The following PAPSS2 variants were observed in gnomAD, a reference collection of about 807,000 sequenced individuals.
PAPSS2 encodes the protein bifunctional 3'-phosphoadenosine 5'-phosphosulfate synthase 2.
Under a neutral mutation model 66.5 loss-of-function variants are expected in PAPSS2, and 61 were observed. The observed-to-expected ratio is 0.92, with a 90% CI of 0.75 to 1.14. PAPSS2 has a LOEUF of 1.14. Ranked by LOEUF, PAPSS2 falls within the 50% of genes most tolerant of loss-of-function variation. The pLI, the probability that PAPSS2 is intolerant of heterozygous loss-of-function variation, is 0.00. For missense variants in PAPSS2, 708 were observed against 789.6 expected (o/e 0.90, Z 1.24); for synonymous variants, 289 against 287.5 (o/e 1.01, Z -0.05).
intron 1 of PAPSS2, among the ~76,000 whole-genome samples, chr10:87,671,552 A>T (rs576311837): frequency 5.3e-5 from 8 of 152,280 alleles, no homozygotes; most frequent in Non-Finnish European, 8.8e-5. Context: ...AGTGACTTAC[A>T]CATAACTCTA....
At chr10:87,708,437 A>G (rs1323672263) in intron 1 of PAPSS2, among the ~76,000 whole-genome samples, 1 of 152,170 alleles carries the variant, frequency 6.6e-6, no homozygotes, top group Admixed American at 6.6e-5. Context: ...AGCAACGGGG[A>G]TATTACTGAC....
At chr10:87,686,875 G>A (rs946860881) in intron 1 of PAPSS2, among the ~76,000 whole-genome samples, 5 of 152,124 alleles carry the variant, frequency 3.3e-5, no homozygotes, top group African/African-American at 1.2e-4. Flanking sequence ...GATTCCCATG[G>A]CCTAGGCATG....
intron 10 of PAPSS2, among the ~76,000 whole-genome samples, chr10:87,742,508 A>G (rs1016993229): frequency 6.6e-6 from 1 of 152,098 alleles, no homozygotes; most frequent in Non-Finnish European, 1.5e-5. Flanking sequence ...GCTTTTCTGT[A>G]TTTCTCAAGT....
intron 9 of PAPSS2, among the ~76,000 whole-genome samples, chr10:87,732,131 CA>C (rs1329618014): frequency 6.6e-6 from 1 of 152,198 alleles, no homozygotes; most frequent in Non-Finnish European, 1.5e-5. Flanking sequence ...TAGCAACCAT[CA>C]CCCTGATTTG....
At chr10:87,697,844 G>A (rs1436730434) in intron 1 of PAPSS2, among the ~76,000 whole-genome samples, 1 of 152,114 alleles carries the variant, frequency 6.6e-6, no homozygotes, top group East Asian at 1.9e-4. Flanking sequence ...ACAGACCTCT[G>A]GATTGACATC....
At chr10:87,671,186 T>C (rs1047017210) in intron 1 of PAPSS2, among the ~76,000 whole-genome samples, 2 of 152,192 alleles carry the variant, frequency 1.3e-5, no homozygotes, top group Non-Finnish European at 2.9e-5. Flanking sequence ...CTTTTTTTTT[T>C]CTTCAGTTAA....
At chr10:87,663,174 C>CGTGGCAT (rs1240197394) in intron 1 of PAPSS2, among the ~76,000 whole-genome samples, 2 of 127,092 alleles carry the variant, frequency 1.6e-5, no homozygotes, top group Non-Finnish European at 1.6e-5. Context: ...TGCAGAGAAG[C>CGTGGCAT]GATCTCGTCT....
intron 1 of PAPSS2, among the ~76,000 whole-genome samples, chr10:87,703,370 C>T (rs1172830112): frequency 2.0e-5 from 3 of 151,676 alleles, no homozygotes; most frequent in Admixed American, 6.6e-5. Context: ...GCCACATCCT[C>T]CCCAGACTTG....
intron 1 of PAPSS2, among the ~76,000 whole-genome samples, chr10:87,667,734 T>C (rs1314483676): frequency 6.6e-6 from 1 of 152,204 alleles, no homozygotes; most frequent in Non-Finnish European, 1.5e-5. Flanking sequence ...CTGTATACCA[T>C]CAAATATTAA....
intron 9 of PAPSS2, among the ~76,000 whole-genome samples, chr10:87,728,341 G>T (rs568639334): frequency 8.9e-4 from 136 of 152,302 alleles, no homozygotes; most frequent in South Asian, 1.5e-3. Flanking sequence ...GTCCCTTTCA[G>T]CATGTTCACA....
Position 87,738,794 on chromosome 10 carries a change from G to C in PAPSS2, c.1087-2441G>C, listed in dbSNP as rs142814095. On this transcript the variant is annotated intron_variant, in intron 9 of 12. Coordinates refer to ENST00000456849, the MANE Select transcript of PAPSS2 (RefSeq NM_001015880.2). ...TGCATTTCTCATAATTAATGATGCT[G>C]AGCATCTTACATGCTTTTGGCCATT... Among the ~76,000 whole-genome samples the C allele has an allele frequency of 6.6e-4, 100 of 152,270 alleles. 1 individual carries two copies. The East Asian group carries it at 7.7e-3, about 12-fold the overall frequency.
At chr10:87,704,156 A>G in intron 1 of PAPSS2, 1 of 405,676 alleles carries the variant, frequency 2.5e-6, no homozygotes, top group Non-Finnish European at 4.8e-6. Flanking sequence ...TAGGAATAAA[A>G]TATTTGACTG....
chr10:87,686,397 G>A (rs189378221), intron 1 of PAPSS2, among the ~76,000 whole-genome samples: 4 of 151,098 alleles, frequency 2.6e-5, no homozygotes, highest in African/African-American at 4.9e-5. Flanking sequence ...GAGGGGGAGG[G>A]TGCAGCTATT....
At chr10:87,673,602 G>GTGTC (rs1491271543) in intron 1 of PAPSS2, among the ~76,000 whole-genome samples, 2 of 144,528 alleles carry the variant, frequency 1.4e-5, no homozygotes, top group African/African-American at 5.1e-5. Flanking sequence ...GTGTGTGTGT[G>GTGTC]TCTAATTCCT....
chr10:87,664,051 T>A (rs943758146), intron 1 of PAPSS2, among the ~76,000 whole-genome samples: 40 of 152,168 alleles, frequency 2.6e-4, no homozygotes, highest in African/African-American at 9.2e-4. Flanking sequence ...GTACTACAGG[T>A]GCACACCATC....
intron 9 of PAPSS2, among the ~76,000 whole-genome samples, chr10:87,740,609 C>G (rs2131729200): frequency 6.6e-6 from 1 of 152,254 alleles, no homozygotes; most frequent in South Asian, 2.1e-4. Context: ...CAACTTAAAC[C>G]TTTAAGAAAC....
chr10:87,700,671 A>C (rs1853292174), intron 1 of PAPSS2, among the ~76,000 whole-genome samples: 2 of 151,852 alleles, frequency 1.3e-5, no homozygotes, highest in South Asian at 4.1e-4. Context: ...AAAAAAAAAA[A>C]AGAAAAAAGA....
chr10:87,679,356 A>G (rs745308352), intron 1 of PAPSS2, among the ~76,000 whole-genome samples: 3 of 152,354 alleles, frequency 2.0e-5, no homozygotes, highest in East Asian at 1.9e-4. Context: ...AATAAGTTCT[A>G]TCGTTCTACA....
intron 1 of PAPSS2, among the ~76,000 whole-genome samples, chr10:87,663,382 G>C (rs1328846033): frequency 1.3e-5 from 2 of 152,058 alleles, no homozygotes; most frequent in Non-Finnish European, 2.9e-5. Flanking sequence ...AAAGTGCTGG[G>C]ATTGCAGGCT....
Sources: gnomAD v4.1 joint callset for allele counts (sites outside exome capture counted in the v4.1 genomes callset) on GRCh38, gnomAD v4.1.1 for gene constraint, MANE v1.5 for transcripts, NCBI Gene and HGNC (gene_info 2026-07-23, HGNC 2026-07-21) for gene names.